Variants in KIAA0319 observed in about 807,000 individuals in gnomAD.
KIAA0319 encodes the protein dyslexia-associated protein KIAA0319.
In KIAA0319, 83 loss-of-function variants were observed where a neutral mutation model predicts 108.4. The observed-to-expected ratio is 0.77, with a 90% CI of 0.64 to 0.92. The LOEUF is 0.92. Among genes scored for constraint, KIAA0319 ranks in the 40% least tolerant of loss-of-function variants. The pLI is 0.00. For synonymous variants in KIAA0319, 484 were observed against 510.4 expected (o/e 0.95, Z 0.70); for missense variants, 1,195 against 1,322.4 (o/e 0.90, Z 1.49).
rs1766689054 is a variant in KIAA0319, at chr6:24,582,271, T to A, written c.1169A>T (p.Lys390Met). 1 of 1,603,908 alleles carries A rather than the reference T, an allele frequency of 6.2e-7. No individual in the cohort carries two copies. Among genetic ancestry groups the A allele is most frequent in the African/African-American group, 1.3e-5 (1 of 74,768 alleles). ...DYQGEIKQGHKQTLNLSQLSV... is the reference protein window; with the variant it reads ...DYQGEIKQGHMQTLNLSQLSV... ...TACTTGAGAGAGGTTAAGAGTTTGC[T>A]TGTGTCCTTGTTTTATTTCACCTTG... Residue 390 changes from lysine to methionine, a missense_variant, in exon 6 of 21, where the codon AAG becomes ATG. By Grantham distance (95) the Lys-to-Met change is moderately conservative. Coordinates refer to ENST00000378214, the MANE Select transcript of KIAA0319 (RefSeq NM_014809.4).
chr6:24,584,773 A>G (rs1274549964), intron 4 of KIAA0319, among the ~76,000 whole-genome samples: 3 of 152,228 alleles, frequency 2.0e-5, no homozygotes, highest in Admixed American at 2.0e-4. Context: ...AAATGTATTC[A>G]TTTCAACAAA....
chr6:24,599,839 A>G lies in KIAA0319; in HGVS notation c.55+1210T>C, dbSNP rs754404149. On this transcript the variant is annotated intron_variant, in intron 2 of 20. Transcript: ENST00000378214. The surrounding 1 kb of genome is among the most constrained non-coding windows in gnomAD (Gnocchi z 4.1). ...CTACCCCCTCCTGTGACTGCCCCAG[A>G]GCCTGTGGGGGAGGCCACTGTGCAG... 1.1e-4 allele frequency: 50 copies of G among 442,070 alleles called. No homozygotes were observed. The highest frequency in any genetic ancestry group is 2.1e-4 in the Non-Finnish European group (49 of 233,884). The allele number at this position is 442,070 out of a possible 1,614,324, so 27.4% of individuals were successfully genotyped here.
At chr6:24,610,697 G>T (rs1772162953) in intron 1 of KIAA0319, among the ~76,000 whole-genome samples, 3 of 152,076 alleles carry the variant, frequency 2.0e-5, no homozygotes, top group African/African-American at 7.2e-5. Flanking sequence ...GAGCGGGGAG[G>T]ATCGCTTGAG....
intron 13 of KIAA0319, 133 bp from the exon 14 acceptor site, chr6:24,566,881 G>T: frequency 1.3e-6 from 1 of 776,300 alleles, no homozygotes; most frequent in Non-Finnish European, 1.9e-6. Flanking sequence ...ATCCAAAAAG[G>T]CATTTTTTTC....
intron 9 of KIAA0319, 35 bp downstream of exon 9, chr6:24,578,075 A>G (rs767145061): frequency 3.8e-6 from 6 of 1,566,850 alleles, no homozygotes; most frequent in Middle Eastern, 1.7e-4. Context: ...AAATGTAAGT[A>G]GCAGGCAGCA....
intron 18 of KIAA0319, 94 bp downstream of exon 18, chr6:24,556,513 G>A: frequency 7.1e-7 from 1 of 1,398,962 alleles, no homozygotes; most frequent in Non-Finnish European, 9.8e-7. Flanking sequence ...ATGTTGCCCA[G>A]GTTGGCCTCG....
chr6:24,588,960 C>A (rs546387446), intron 3 of KIAA0319, among the ~76,000 whole-genome samples, 175 bp from the exon 4 acceptor site: 1 of 152,160 alleles, frequency 6.6e-6, no homozygotes, highest in South Asian at 2.1e-4. Flanking sequence ...ACTCTCTTTG[C>A]TGTCTATTAG....
chr6:24,564,107 G>A, intron 15 of KIAA0319, 95 bp downstream of exon 15: 1 of 1,491,942 alleles, frequency 6.7e-7, no homozygotes, highest in Non-Finnish European at 9.1e-7. Context: ...CCAGCCACAG[G>A]AGGCCTCCCA....
At chr6:24,592,027 A>G (rs762540708) in intron 3 of KIAA0319, among the ~76,000 whole-genome samples, 2 of 152,168 alleles carry the variant, frequency 1.3e-5, no homozygotes, top group Non-Finnish European at 2.9e-5. Context: ...GAAATACAAA[A>G]GTTTCTACTT....
intron 16 of KIAA0319, among the ~76,000 whole-genome samples, chr6:24,560,739 CTA>C (rs1246913351): frequency 6.6e-6 from 1 of 152,176 alleles, no homozygotes; most frequent in Non-Finnish European, 1.5e-5. Context: ...GTGCCTCTCT[CTA>C]TGTCTCTTGT....
chr6:24,558,531 G>T (rs1762642851), intron 17 of KIAA0319, among the ~76,000 whole-genome samples: 1 of 152,158 alleles, frequency 6.6e-6, no homozygotes, highest in South Asian at 2.1e-4. Flanking sequence ...ATGAAATAAA[G>T]ATAGAAACAA....
At chr6:24,592,696 C>G (rs186007246) in intron 3 of KIAA0319, among the ~76,000 whole-genome samples, 1 of 152,076 alleles carries the variant, frequency 6.6e-6, no homozygotes, top group African/African-American at 2.4e-5. Flanking sequence ...ATCGGTGGGG[C>G]AAGGTGGCTC....
intron 5 of KIAA0319, 92 bp downstream of exon 5, chr6:24,583,511 GA>G: frequency 2.4e-6 from 2 of 849,180 alleles, no homozygotes; most frequent in East Asian, 4.9e-5. Context: ...GCAATACTGT[GA>G]AAAAGAATCG....
intron 10 of KIAA0319, among the ~76,000 whole-genome samples, chr6:24,574,271 A>G (rs564853649): frequency 6.6e-6 from 1 of 151,678 alleles, no homozygotes; most frequent in South Asian, 2.1e-4. Context: ...CCATCTTCAC[A>G]AAAAAAACCA....
At chr6:24,610,045 GA>G (rs1208961376) in intron 1 of KIAA0319, among the ~76,000 whole-genome samples, 2 of 152,038 alleles carry the variant, frequency 1.3e-5, no homozygotes, top group African/African-American at 4.8e-5. Context: ...TCTTAAATAT[GA>G]CACCAAAAGG....
chr6:24,598,133 T>A, intron 2 of KIAA0319: 1 of 443,504 alleles, frequency 2.3e-6, no homozygotes, highest in Non-Finnish European at 4.3e-6. Flanking sequence ...TTCTCTCGAG[T>A]GGGCAGCAGC....
chr6:24,599,528 G>A lies in KIAA0319; in HGVS notation c.55+1521C>T, dbSNP rs1323003841. On this transcript the variant is annotated intron_variant, in intron 2 of 20. Coordinates refer to ENST00000378214, the MANE Select transcript of KIAA0319 (RefSeq NM_014809.4). The surrounding 1 kb of genome is among the most constrained non-coding windows in gnomAD (Gnocchi z 4.1). The stretch of plus-strand genomic sequence containing the variant: ...TGGACATCGAGATTGTCACCTACAG[G>A]AAGGTGCTGGAGGGCGAGGAGAGCT... 5.3e-6 allele frequency: 3 copies of A among 570,518 alleles called. No homozygotes were observed. In the East Asian group the frequency reaches 1.3e-4, roughly 24 times the overall value. The allele number at this position is 570,518 out of a possible 1,614,324, so 35.3% of individuals were successfully genotyped here. A position where few individuals can be genotyped will look rare whatever the true frequency, so the allele number is the denominator to read the frequency against.
At position 24,545,932 on chromosome 6, in the gene KIAA0319, T is replaced by G. The variant is rs1185892387; in HGVS notation, c.*1233A>C. The G allele has an allele frequency of 6.6e-6, 1 of 152,124 alleles. No individual in the cohort carries two copies. The highest frequency in any genetic ancestry group is 2.4e-5 in the African/African-American group (1 of 41,394). The allele number at this position is 152,124 out of a possible 1,614,324, so 9.4% of individuals were successfully genotyped here. On this transcript the variant is annotated 3_prime_UTR_variant, in exon 21 of 21. Transcript: ENST00000378214. ...CTGGTTCTATCTCTCATTCTAATCT[T>G]CCCACAAAAAATGCCAAGGGCACCA...
At chr6:24,570,080 T>A (rs374552493) in intron 11 of KIAA0319, 45 bp from the exon 12 acceptor site, 1 of 1,584,494 alleles carries the variant, frequency 6.3e-7, no homozygotes, top group African/African-American at 1.3e-5. Flanking sequence ...CTCTTTGCAT[T>A]AAGTCTGCAA....
Sources: allele counts gnomAD v4.1 joint callset (sites outside exome capture counted in the v4.1 genomes callset), GRCh38; gene constraint gnomAD v4.1.1; non-coding constraint Gnocchi (gnomAD v3.1); transcripts MANE v1.5; gene names NCBI Gene and HGNC (gene_info 2026-07-23, HGNC 2026-07-21).